PKN2: variants seen among roughly 807,000 people sequenced by gnomAD.
PKN2 encodes the protein serine/threonine-protein kinase N2.
In PKN2, 38 loss-of-function variants were observed where a neutral mutation model predicts 119.1. The observed-to-expected ratio is 0.32, with a 90% CI of 0.25 to 0.42. The LOEUF is 0.42. PKN2 is among the 10% of genes least tolerant of loss of function. The probability of loss-of-function intolerance (pLI) is 1.00; values close to 1 mark genes in which losing one functional copy is unlikely to be tolerated. For missense variants in PKN2, 850 were observed against 1,165.1 expected (o/e 0.73, Z 3.94); for synonymous variants, 390 against 384.9 (o/e 1.01, Z -0.15).
intron 8 of PKN2, among the ~76,000 whole-genome samples, chr1:88,799,934 T>C (rs767288453): frequency 6.6e-6 from 1 of 152,238 alleles, no homozygotes; most frequent in African/African-American, 2.4e-5. Context: ...CAGAGGCACA[T>C]TGAAGACCAA....
intron 16 of PKN2, among the ~76,000 whole-genome samples, chr1:88,819,795 T>C (rs1327235350): frequency 6.6e-6 from 1 of 152,170 alleles, no homozygotes; most frequent in Non-Finnish European, 1.5e-5. Context: ...AAAGAAAATG[T>C]GGCACATATA....
At chr1:88,736,590 C>T (rs1294455022) in intron 1 of PKN2, among the ~76,000 whole-genome samples, 1 of 152,156 alleles carries the variant, frequency 6.6e-6, no homozygotes, top group Non-Finnish European at 1.5e-5. Flanking sequence ...GTCTCAAACT[C>T]CTGACCTTAG....
intron 1 of PKN2, among the ~76,000 whole-genome samples, chr1:88,699,591 A>G (rs996269389): frequency 2.6e-5 from 4 of 151,942 alleles, no homozygotes; most frequent in African/African-American, 9.7e-5. Flanking sequence ...CCCACCCTCC[A>G]GTAGGCCCCA....
rs1449641776 is a variant in PKN2 at position 88,784,793 on chromosome 1, T to C, written c.1140T>C (p.Ser380=). The C allele has an allele frequency of 3.7e-6, 6 of 1,610,652 alleles. No homozygotes were observed. The South Asian group carries it at 4.4e-5, about 12-fold the overall frequency. The change falls in exon 7 of 22, where the codon AGT becomes AGC. Residue 380 remains serine, a synonymous_variant. Transcript: ENST00000370521. The part of the protein sequence containing the change: ...SRTSKSKSGS[S]RNLLKTDDLS... ...CGAGTAAAAGTAAAAGCGGAAGTAG[T>C]CGAAATCTTCTAAAAACCGATGACT...
At chr1:88,815,514 AAG>A (rs1481549881) in intron 16 of PKN2, 4 of 272,184 alleles carry the variant, frequency 1.5e-5, no homozygotes, top group Non-Finnish European at 2.8e-5. Flanking sequence ...TTTCACTTAA[AAG>A]AGAGGAGCAA....
At chr1:88,825,631 G>A (rs987651421) in intron 18 of PKN2, among the ~76,000 whole-genome samples, 4 of 152,092 alleles carry the variant, frequency 2.6e-5, no homozygotes, top group Non-Finnish European at 2.9e-5. Flanking sequence ...TTTCCAGTCA[G>A]CTCCTTTCAC....
chr1:88,726,124 G>T (rs886691607), intron 1 of PKN2, among the ~76,000 whole-genome samples: 2 of 152,190 alleles, frequency 1.3e-5, no homozygotes, highest in South Asian at 4.1e-4. Context: ...CTATATACAT[G>T]ACCCTGTTAT....
At position 88,771,735 on chromosome 1, in the gene PKN2, G is replaced by A. The variant is rs768278690; in HGVS notation, c.841G>A (p.Glu281Lys). ...GTATTCATTAGAGCAAAGATTAAACGAAGTCCCCAAGAATCATCCCAAAAG... is the reference window on the plus strand; with the variant it reads ...GTATTCATTAGAGCAAAGATTAAACAAAGTCCCCAAGAATCATCCCAAAAG... Reference protein sequence around the residue: ...LKYSLEQRLNEVPKNHPKSRI... With the variant: ...LKYSLEQRLNKVPKNHPKSRI... The change falls in exon 6 of 22, where the codon GAA becomes AAA. Residue 281 changes from glutamate to lysine, a missense_variant. This residue lies in a region of PKN2 where 350 missense variants were observed against 511.1 expected (regional missense o/e 0.68). Transcript: ENST00000370521. The A allele has an allele frequency of 2.5e-6, 4 of 1,613,860 alleles. No individual in the cohort carries two copies. Among genetic ancestry groups the A allele is most frequent in the South Asian group, 1.1e-5 (1 of 91,070 alleles).
rs1418012305 is a variant in PKN2, at chr1:88,775,017, T to TA, written c.985+3139dup. ...AGCCACTATGCCCAGCCTCTATTCT[T>TA]ACTTTTCTTATTCCCTTCTTGCTCC... On this transcript the variant is annotated intron_variant, in intron 6 of 21. Transcript: ENST00000370521. Among the ~76,000 whole-genome samples the TA allele has an allele frequency of 3.3e-5, 5 of 152,340 alleles. No individual in the cohort carries two copies. The East Asian group carries it at 9.6e-4, about 29-fold the overall frequency.
intron 1 of PKN2, among the ~76,000 whole-genome samples, chr1:88,699,451 C>T (rs1666681670): frequency 6.6e-6 from 1 of 152,002 alleles, no homozygotes; most frequent in Admixed American, 6.6e-5. Flanking sequence ...GGTGCGTGTG[C>T]AAGATGTGCA....
chr1:88,764,758 C>T (rs762345514), intron 3 of PKN2, among the ~76,000 whole-genome samples: 1 of 152,080 alleles, frequency 6.6e-6, no homozygotes, highest in East Asian at 1.9e-4. Context: ...TATTTTACCC[C>T]GTTACATAAG....
At chr1:88,740,103 A>G (rs1319996722) in intron 1 of PKN2, among the ~76,000 whole-genome samples, 2 of 152,140 alleles carry the variant, frequency 1.3e-5, no homozygotes, top group Non-Finnish European at 2.9e-5. Flanking sequence ...AGATTAAAGT[A>G]TGGGGTGTGT....
chr1:88,828,521 T>C lies in PKN2; in HGVS notation c.2460T>C (p.Thr820=). 1 of 1,612,908 alleles carries C rather than the reference T, an allele frequency of 6.2e-7. No individual in the cohort carries two copies. The highest frequency in any genetic ancestry group is 8.5e-7 in the Non-Finnish European group (1 of 1,178,976). The change falls in exon 19 of 22, where the codon ACT becomes ACC. Residue 820 remains threonine (T), a synonymous_variant. Transcript: ENST00000370521. ...ATAGAACAAGCACATTTTGTGGCAC[T>C]CCTGAATTTCTTGCCCCAGAAGTAT... ...YGDRTSTFCG[T]PEFLAPEVLT...
intron 1 of PKN2, among the ~76,000 whole-genome samples, chr1:88,690,273 A>G (rs998246616): frequency 3.3e-5 from 5 of 152,240 alleles, no homozygotes; most frequent in African/African-American, 1.2e-4. Flanking sequence ...CATGCCATTC[A>G]TCAGAAGCAT....
intron 1 of PKN2, among the ~76,000 whole-genome samples, chr1:88,730,605 A>G (rs1372553938): frequency 6.6e-6 from 1 of 152,224 alleles, no homozygotes; most frequent in African/African-American, 2.4e-5. Flanking sequence ...GCCTGGTGAA[A>G]TGAGAATTTT....
At chr1:88,819,787 A>C (rs1333829153) in intron 16 of PKN2, among the ~76,000 whole-genome samples, 2 of 152,230 alleles carry the variant, frequency 1.3e-5, no homozygotes, top group Non-Finnish European at 2.9e-5. Context: ...GACTGCATAA[A>C]GAAAATGTGG....
rs140964855 is a variant in PKN2, at chr1:88,782,622, AT to A, written c.986-2007del. 5.2e-3 allele frequency among the ~76,000 whole-genome samples: 767 copies of A among 147,996 alleles called. 2 individuals are homozygous for A. Among genetic ancestry groups the A allele is most frequent in the African/African-American group, 0.017 (689 of 40,514 alleles). ...ATCTGCCTGCAGTCCCATCCAGTGTATTTTTTTTTTAATCTCAGATATTGCC... is the reference window on the plus strand; with the variant it reads ...ATCTGCCTGCAGTCCCATCCAGTGTATTTTTTTTTAATCTCAGATATTGCC... On this transcript the variant is annotated intron_variant, in intron 6 of 21. Transcript: ENST00000370521.
At chr1:88,782,453 A>G (rs573669517) in intron 6 of PKN2, among the ~76,000 whole-genome samples, 8 of 151,934 alleles carry the variant, frequency 5.3e-5, no homozygotes, top group South Asian at 4.1e-4. Flanking sequence ...TCAGTTACAC[A>G]TATATGGCCA....
At chr1:88,707,013 G>C (rs1225778858) in intron 1 of PKN2, among the ~76,000 whole-genome samples, 1 of 151,628 alleles carries the variant, frequency 6.6e-6, no homozygotes, top group Non-Finnish European at 1.5e-5. Flanking sequence ...TCTGTTTTTG[G>C]TTTTGTTTTG....
Sources: gnomAD v4.1 joint callset for allele counts (sites outside exome capture counted in the v4.1 genomes callset) on GRCh38, gnomAD v4.1.1 for gene constraint, gnomAD v4.1.1 regional missense constraint, MANE v1.5 for transcripts, NCBI Gene and HGNC (gene_info 2026-07-23, HGNC 2026-07-21) for gene names.